TJP1: variants seen among roughly 807,000 people sequenced by gnomAD.
TJP1 encodes the protein tight junction protein ZO-1.
Under a neutral mutation model 194.2 loss-of-function variants are expected in TJP1, and 43 were observed. The observed-to-expected ratio is 0.22, with a 90% CI of 0.17 to 0.29. The LOEUF (loss-of-function observed/expected upper bound fraction) is 0.29, where lower values mean the gene tolerates loss of function less well. TJP1 is among the 10% of genes least tolerant of loss of function. TJP1 has a pLI of 1.00. For synonymous variants in TJP1, 801 were observed against 779.0 expected (o/e 1.03, Z -0.47); for missense variants, 1,971 against 2,185.7 (o/e 0.90, Z 1.96).
chr15:29,886,338 G>A (rs1299065661), intron 2 of TJP1, among the ~76,000 whole-genome samples: 1 of 151,972 alleles, frequency 6.6e-6, no homozygotes, highest in African/African-American at 2.4e-5. Flanking sequence ...TCAGGCCAAT[G>A]TTAAAAGATA....
In TJP1 at chr15:29,796,938, T is replaced by G. The variant is rs1320099215; in HGVS notation, c.84+3708A>C. 2.2e-5 allele frequency among the ~76,000 whole-genome samples: 3 copies of G among 138,014 alleles called. No individual in the cohort carries two copies. The East Asian group carries it at 6.5e-4, about 30-fold the overall frequency. The allele number at this position is 138,014 out of a possible 152,430, so 90.5% of individuals were successfully genotyped here. A position where few individuals can be genotyped will look rare whatever the true frequency, so the allele number is the denominator to read the frequency against. ...ATAATCTTTCAAACAAAATGCTTCTTCAAAATAAACACTGGACATCTGTAT... is the reference window on the plus strand; with the variant it reads ...ATAATCTTTCAAACAAAATGCTTCTGCAAAATAAACACTGGACATCTGTAT... On this transcript the variant is annotated intron_variant, in intron 2 of 27. Transcript: ENST00000614355.
chr15:29,899,989 A>T (rs1419505040), intron 2 of TJP1, among the ~76,000 whole-genome samples: 1 of 152,230 alleles, frequency 6.6e-6, no homozygotes, highest in Admixed American at 6.5e-5. Flanking sequence ...ACAACTAATA[A>T]AATGAATGAG....
At chr15:29,778,567 T>C (rs1197229848) in intron 2 of TJP1, among the ~76,000 whole-genome samples, 1 of 152,116 alleles carries the variant, frequency 6.6e-6, no homozygotes, top group Non-Finnish European at 1.5e-5. Flanking sequence ...ACAAAGACCC[T>C]AATCCAATAG....
chr15:29,968,708 G>C (rs1476379784), exon 1 of TJP1: 6 of 1,197,824 alleles, frequency 5.0e-6, no homozygotes, highest in Non-Finnish European at 5.3e-6. Flanking sequence ...CGCGGTTGGA[G>C]GGGGTGACGC....
At chr15:29,784,853 T>C (rs1167264214) in intron 2 of TJP1, among the ~76,000 whole-genome samples, 1 of 152,218 alleles carries the variant, frequency 6.6e-6, no homozygotes, top group Non-Finnish European at 1.5e-5. Flanking sequence ...CTATATGATC[T>C]AGATATGGTA....
At chr15:29,730,672 C>T (rs1432984754) in intron 15 of TJP1, 16 of 735,248 alleles carry the variant, frequency 2.2e-5, no homozygotes, top group South Asian at 1.8e-4. Context: ...CGTGCCGCTG[C>T]ATCCCACGTC....
At chr15:29,804,177 A>C (rs1769461759) in intron 1 of TJP1, among the ~76,000 whole-genome samples, 1 of 152,134 alleles carries the variant, frequency 6.6e-6, no homozygotes, top group Non-Finnish European at 1.5e-5. Context: ...GGCAGTACTG[A>C]TGAGGAGTTC....
chr15:29,740,009 A>T (rs1448448142), intron 10 of TJP1, among the ~76,000 whole-genome samples: 1 of 150,822 alleles, frequency 6.6e-6, no homozygotes, highest in Non-Finnish European at 1.5e-5. Context: ...TTTTTTTGAG[A>T]CGGAGTCTCG....
At chr15:29,743,872 T>C (rs1313417287) in intron 8 of TJP1, among the ~76,000 whole-genome samples, 1 of 152,126 alleles carries the variant, frequency 6.6e-6, no homozygotes, top group Non-Finnish European at 1.5e-5. Flanking sequence ...ACTAGGGAAA[T>C]ACAAATTAAT....
intron 8 of TJP1, among the ~76,000 whole-genome samples, chr15:29,746,234 T>C (rs372283496): frequency 6.6e-5 from 10 of 151,952 alleles, no homozygotes; most frequent in Non-Finnish European, 1.2e-4. Context: ...AAAAATTGGC[T>C]GGGCGTGGTG....
chr15:29,702,656 A>C (rs908164241), intron 27 of TJP1, among the ~76,000 whole-genome samples: 5 of 152,218 alleles, frequency 3.3e-5, no homozygotes, highest in African/African-American at 1.2e-4. Context: ...CAACAGTGCC[A>C]GCTGAGAACT....
At chr15:29,814,252 A>G (rs567182387) in intron 1 of TJP1, among the ~76,000 whole-genome samples, 21 of 152,372 alleles carry the variant, frequency 1.4e-4, no homozygotes, top group African/African-American at 3.1e-4. Flanking sequence ...CAGGATGACC[A>G]TAAGTTTGCT....
intron 2 of TJP1, among the ~76,000 whole-genome samples, chr15:29,885,964 A>G (rs1488317212): frequency 6.6e-6 from 1 of 152,198 alleles, no homozygotes; most frequent in Non-Finnish European, 1.5e-5. Context: ...AAGGCTTGGG[A>G]CAGGAAAGGA....
chr15:29,743,605 C>T (rs1038065895), intron 8 of TJP1, among the ~76,000 whole-genome samples: 2 of 152,088 alleles, frequency 1.3e-5, no homozygotes, highest in African/African-American at 4.8e-5. Flanking sequence ...CTTGTTCCTA[C>T]AGTCCTAGCT....
intron 27 of TJP1, among the ~76,000 whole-genome samples, chr15:29,703,333 G>A (rs986724371): frequency 1.3e-5 from 2 of 151,868 alleles, no homozygotes; most frequent in African/African-American, 4.8e-5. Context: ...ACCTGTAATC[G>A]AGGCTGAGGC....
intron 2 of TJP1, chr15:29,956,212 G>A: frequency 8.2e-7 from 1 of 1,225,084 alleles, no homozygotes; most frequent in Non-Finnish European, 1.0e-6. Flanking sequence ...AATGAGAAAA[G>A]CATTGATCAG....
At chr15:29,838,790 AC>A (rs2051122599) in intron 2 of TJP1, among the ~76,000 whole-genome samples, 1 of 151,936 alleles carries the variant, frequency 6.6e-6, no homozygotes, top group South Asian at 2.1e-4. Flanking sequence ...CCAGTCCCTA[AC>A]CCCTGGCAAC....
chr15:29,950,819 C>A (rs561956499), intron 2 of TJP1, among the ~76,000 whole-genome samples: 1 of 152,182 alleles, frequency 6.6e-6, no homozygotes, highest in East Asian at 1.9e-4. Context: ...CAAAACAGGT[C>A]CCTGAGGCCT....
intron 1 of TJP1, among the ~76,000 whole-genome samples, chr15:29,814,050 CCCT>C (rs2049723981): frequency 1.3e-5 from 2 of 152,194 alleles, no homozygotes; most frequent in African/African-American, 2.4e-5. Context: ...CTTAATGTCT[CCCT>C]CCTATTGAGA....
Sources: gnomAD v4.1 joint callset for allele counts (sites outside exome capture counted in the v4.1 genomes callset) on GRCh38, gnomAD v4.1.1 for gene constraint, MANE v1.5 for transcripts, NCBI Gene and HGNC (gene_info 2026-07-23, HGNC 2026-07-21) for gene names.